Variants in PREX2 observed in about 807,000 individuals in gnomAD.
PREX2 encodes phosphatidylinositol 3,4,5-trisphosphate-dependent Rac exchanger 2 protein.
A neutral mutation model predicts 203.2 loss-of-function variants in PREX2; 107 were observed. The ratio of observed to expected loss-of-function variants is 0.53; its 90% CI spans 0.45 to 0.62. PREX2 has a LOEUF of 0.62. Among genes scored for constraint, PREX2 ranks in the 20% least tolerant of loss-of-function variants. The pLI is 0.00. For missense variants in PREX2, 1,777 were observed against 1,955.9 expected (o/e 0.91, Z 1.72); for synonymous variants, 672 against 663.6 (o/e 1.01, Z -0.19).
intron 34 of PREX2, among the ~76,000 whole-genome samples, chr8:68,154,260 C>T (rs1811498317): frequency 6.6e-6 from 1 of 152,234 alleles, no homozygotes; most frequent in Non-Finnish European, 1.5e-5. Context: ...AATACCTGTA[C>T]AGCATTTGGC....
chr8:68,194,211 A>T (rs1812350049), intron 37 of PREX2, among the ~76,000 whole-genome samples: 1 of 152,236 alleles, frequency 6.6e-6, no homozygotes, highest in South Asian at 2.1e-4. Context: ...ATCATGTGCC[A>T]GCACTGTTCT....
chr8:68,111,675 C>A (rs1294810967), intron 25 of PREX2, among the ~76,000 whole-genome samples: 1 of 152,126 alleles, frequency 6.6e-6, no homozygotes, highest in African/African-American at 2.4e-5. Context: ...TTTGGGTACA[C>A]CACATCATGT....
Position 68,136,702 on chromosome 8 carries a change from G to A in PREX2, c.3985-1713G>A, listed in dbSNP as rs993461001. 3.3e-5 allele frequency among the ~76,000 whole-genome samples: 5 copies of A among 152,078 alleles called. No homozygotes were observed. The South Asian group carries it at 8.3e-4, about 25-fold the overall frequency. On this transcript the variant is annotated intron_variant, in intron 32 of 39. Transcript: ENST00000288368. ...TAATGGTTTAATAAACATTTTTCCA[G>A]TACTTACTGTGTACTGTGCACTATA...
chr8:68,102,026 T>C (rs1810279351), intron 23 of PREX2, among the ~76,000 whole-genome samples: 1 of 152,140 alleles, frequency 6.6e-6, no homozygotes, highest in African/African-American at 2.4e-5. Flanking sequence ...TATGTTCCAT[T>C]TACTCATAGG....
chr8:68,104,164 C>T (rs148033930), intron 23 of PREX2, among the ~76,000 whole-genome samples: 139 of 152,300 alleles, frequency 9.1e-4, no homozygotes, highest in African/African-American at 3.1e-3. Flanking sequence ...TTCAAACATG[C>T]AGCCTTTCCT....
rs78372432 is a variant in PREX2 at position 68,137,284 on chromosome 8, A to C, written c.3985-1131A>C. 3.9e-4 allele frequency among the ~76,000 whole-genome samples: 59 copies of C among 149,846 alleles called. 1 individual carries two copies. The East Asian group carries it at 0.01, about 26-fold the overall frequency. ...GGATCATTGACATTTTATTTTTTTT[A>C]AGAGATGGGGTCTTGCTCTGTCGCC... On this transcript the variant is annotated intron_variant, in intron 32 of 39. Transcript: ENST00000288368.
intron 1 of PREX2, among the ~76,000 whole-genome samples, chr8:67,977,041 A>G (rs956416335): frequency 6.6e-6 from 1 of 152,228 alleles, no homozygotes; most frequent in African/African-American, 2.4e-5. Context: ...AATATAATGG[A>G]TTGAATGTTT....
intron 38 of PREX2, among the ~76,000 whole-genome samples, chr8:68,219,059 T>A (rs941747419): frequency 2.6e-5 from 4 of 152,168 alleles, no homozygotes. Context: ...AGAAAGAAAT[T>A]AATTGCCTTT....
chr8:68,195,042 C>G (rs1812369582), intron 37 of PREX2, among the ~76,000 whole-genome samples: 1 of 152,118 alleles, frequency 6.6e-6, no homozygotes, highest in Non-Finnish European at 1.5e-5. Context: ...CCAAGGGGGT[C>G]CTTCAGACTT....
At chr8:68,195,904 T>C (rs986671972) in intron 37 of PREX2, among the ~76,000 whole-genome samples, 1 of 152,198 alleles carries the variant, frequency 6.6e-6, no homozygotes, top group African/African-American at 2.4e-5. Flanking sequence ...AAGGGAAGAA[T>C]GTGGCTTTTT....
intron 6 of PREX2, among the ~76,000 whole-genome samples, chr8:68,036,123 A>G (rs933914995): frequency 1.8e-4 from 28 of 152,140 alleles, no homozygotes; most frequent in Admixed American, 1.6e-3. Context: ...AGGTCTGTAT[A>G]TTAGCAAGGG....
intron 6 of PREX2, 108 bp downstream of exon 6, chr8:68,030,766 T>C (rs959821905): frequency 2.9e-6 from 3 of 1,048,426 alleles, no homozygotes; most frequent in Non-Finnish European, 4.3e-6. Flanking sequence ...TTCTCAGATA[T>C]TACTTGAGGA....
At chr8:68,172,304 C>T (rs1469826984) in intron 35 of PREX2, among the ~76,000 whole-genome samples, 1 of 152,138 alleles carries the variant, frequency 6.6e-6, no homozygotes, top group African/African-American at 2.4e-5. Flanking sequence ...ATATGTTATA[C>T]TCAAATGCCA....
At chr8:68,094,241 T>C (rs1024028914) in intron 21 of PREX2, among the ~76,000 whole-genome samples, 4 of 152,236 alleles carry the variant, frequency 2.6e-5, no homozygotes, top group Admixed American at 2.6e-4. Context: ...TTTAACTAGA[T>C]TTGATTTGTA....
chr8:68,188,716 G>T (rs1171602709), intron 35 of PREX2, among the ~76,000 whole-genome samples: 2 of 152,150 alleles, frequency 1.3e-5, no homozygotes, highest in African/African-American at 4.8e-5. Flanking sequence ...ATCAGATCTT[G>T]TGAGACTTGC....
intron 11 of PREX2, among the ~76,000 whole-genome samples, chr8:68,063,868 T>C (rs1248141114): frequency 6.6e-6 from 1 of 152,216 alleles, no homozygotes; most frequent in Non-Finnish European, 1.5e-5. Context: ...TGAAGAGGTA[T>C]GAGCCAAATG....
At chr8:68,127,611 T>TACATATATATATATAC (rs1810920258) in intron 31 of PREX2, among the ~76,000 whole-genome samples, 192 bp downstream of exon 31, 2 of 150,620 alleles carry the variant, frequency 1.3e-5, no homozygotes, top group African/African-American at 4.9e-5. Context: ...TATATATATA[T>TACATATATATATATAC]ACATATATAT....
chr8:67,970,014 A>T (rs796575584), intron 1 of PREX2, among the ~76,000 whole-genome samples: 34 of 152,186 alleles, frequency 2.2e-4, no homozygotes, highest in South Asian at 6.2e-4. Flanking sequence ...AGTACCTTCC[A>T]TATTTTTTCC....
chr8:68,044,299 C>T (rs1808279229), intron 7 of PREX2, among the ~76,000 whole-genome samples, 188 bp from the exon 8 acceptor site: 1 of 152,100 alleles, frequency 6.6e-6, no homozygotes, highest in Non-Finnish European at 1.5e-5. Context: ...ATGCAAGTTG[C>T]ATACTTCATT....
Sources: allele counts gnomAD v4.1 joint callset (sites outside exome capture counted in the v4.1 genomes callset), GRCh38; gene constraint gnomAD v4.1.1; transcripts MANE v1.5; gene names NCBI Gene and HGNC (gene_info 2026-07-23, HGNC 2026-07-21).